The following TNIP3 variants were observed in gnomAD, a reference collection of about 807,000 sequenced individuals.
TNIP3 encodes TNFAIP3-interacting protein 3.
Under a neutral mutation model 54.1 loss-of-function variants are expected in TNIP3, and 34 were observed. The ratio of observed to expected loss-of-function variants is 0.63; its 90% CI spans 0.48 to 0.84. TNIP3 has a LOEUF of 0.84. TNIP3 is among the 40% of genes least tolerant of loss of function. TNIP3 has a pLI of 0.00. For missense variants in TNIP3, 366 were observed against 387.6 expected (o/e 0.94, Z 0.47); for synonymous variants, 134 against 136.8 (o/e 0.98, Z 0.14).
intron 7 of TNIP3, among the ~76,000 whole-genome samples, chr4:121,143,065 C>T (rs540460043): frequency 1.3e-5 from 2 of 152,330 alleles, no homozygotes; most frequent in Admixed American, 1.3e-4. Context: ...TACTGAATGA[C>T]ATTGGAATTG....
chr4:121,143,773 T>G (rs1388728337), intron 7 of TNIP3, among the ~76,000 whole-genome samples: 3 of 152,254 alleles, frequency 2.0e-5, no homozygotes, highest in African/African-American at 7.2e-5. Flanking sequence ...ATATGTATTG[T>G]TGATTAACTC....
chr4:121,222,035 G>A lies in TNIP3; in HGVS notation c.3+5350C>T, dbSNP rs539902547. Among the ~76,000 whole-genome samples, 9 of 152,226 alleles carry A rather than the reference G, an allele frequency of 5.9e-5. No homozygotes were observed. In the South Asian group the frequency reaches 1.5e-3, roughly 25 times the overall value. ...CTACATTTGCTTGTCCCTGAATGTC[G>A]ATCACCAGCTCTAAAATGAGAACAG... On this transcript the variant is annotated intron_variant, in intron 1 of 12. Coordinates refer to the TNIP3 transcript ENST00000509841.
intron 4 of TNIP3, among the ~76,000 whole-genome samples, chr4:121,155,395 C>T (rs1579402229): frequency 6.6e-6 from 1 of 152,174 alleles, no homozygotes; most frequent in Admixed American, 6.5e-5. Context: ...TATCTCAAAG[C>T]TCATTCCTGC....
At chr4:121,136,179 G>A (rs1036515729) in intron 10 of TNIP3, among the ~76,000 whole-genome samples, 9 of 152,126 alleles carry the variant, frequency 5.9e-5, no homozygotes, top group African/African-American at 2.2e-4. Context: ...ACATAGTACC[G>A]TGCCTTTTAC....
At chr4:121,141,603 T>C (rs1336875654) in intron 9 of TNIP3, among the ~76,000 whole-genome samples, 1 of 152,144 alleles carries the variant, frequency 6.6e-6, no homozygotes, top group Non-Finnish European at 1.5e-5. Context: ...TTTAATACCT[T>C]TCAGTTAATT....
At chr4:121,154,448 G>A in intron 5 of TNIP3, 103 bp downstream of exon 5, 1 of 1,421,850 alleles carries the variant, frequency 7.0e-7, no homozygotes, top group South Asian at 1.2e-5. Context: ...AGCCTCCAAG[G>A]CTGGGACCCA....
intron 3 of TNIP3, 114 bp from the exon 4 acceptor site, chr4:121,157,357 T>G: frequency 7.5e-7 from 1 of 1,341,062 alleles, no homozygotes; most frequent in Non-Finnish European, 1.0e-6. Context: ...GGACGTCCCC[T>G]AAGGAGAGGT....
intron 2 of TNIP3, chr4:121,216,340 T>A: frequency 7.9e-7 from 1 of 1,272,152 alleles, no homozygotes; most frequent in African/African-American, 1.5e-5. Context: ...TACACTATCA[T>A]TGCCACAAAG....
At chr4:121,132,900 T>C (rs913920256) in intron 10 of TNIP3, among the ~76,000 whole-genome samples, 1 of 152,194 alleles carries the variant, frequency 6.6e-6, no homozygotes, top group Non-Finnish European at 1.5e-5. Context: ...TCGTTCTAAT[T>C]ATGCCTGAGG....
rs377696800 is a variant in TNIP3, at chr4:121,155,074, T to C, written c.364-395A>G. ...GCCTCCCAGGTTCAAGCAATTCTCC[T>C]GCCTCAGCCTCCCTAGTAGCTGGGA... On this transcript the variant is annotated intron_variant, in intron 4 of 10. Transcript: ENST00000057513. Among the ~76,000 whole-genome samples the C allele has an allele frequency of 1.1e-4, 16 of 152,164 alleles. No individual in the cohort carries two copies. The East Asian group carries it at 1.4e-3, about 13-fold the overall frequency.
At chr4:121,154,452 GGA>G in intron 5 of TNIP3, 97 bp downstream of exon 5, 3 of 1,436,976 alleles carry the variant, frequency 2.1e-6, no homozygotes, top group Non-Finnish European at 2.9e-6. Flanking sequence ...TCCAAGGCTG[GGA>G]CCCACACTGC....
chr4:121,193,320 C>T (rs1273949733), intron 2 of TNIP3, among the ~76,000 whole-genome samples: 1 of 152,028 alleles, frequency 6.6e-6, no homozygotes, highest in South Asian at 2.1e-4. Flanking sequence ...TCTTTTCGTG[C>T]CAGAAATTAG....
At chr4:121,149,273 A>G (rs1471715119) in intron 6 of TNIP3, among the ~76,000 whole-genome samples, 1 of 152,222 alleles carries the variant, frequency 6.6e-6, no homozygotes, top group Non-Finnish European at 1.5e-5. Flanking sequence ...GCTCTTGTGC[A>G]TCAGTGAATT....
At position 121,150,151 on chromosome 4, in the gene TNIP3, T is replaced by A. The variant is rs898005177; in HGVS notation, c.561A>T (p.Glu187Asp). 6.2e-7 allele frequency: 1 copy of A among 1,613,890 alleles called. No homozygotes were observed. Among genetic ancestry groups the A allele is most frequent in the Non-Finnish European group, 8.5e-7 (1 of 1,179,872 alleles). ...CTGTTCTCATCTCCTCATGGCAGAATTCCACTCGAGACTTCCTCAAACAGT... is the reference window on the plus strand; with the variant it reads ...CTGTTCTCATCTCCTCATGGCAGAAATCCACTCGAGACTTCCTCAAACAGT... Reference protein sequence around the residue: ...SEDCLRKSRVEFCHEEMRTEM... With the variant: ...SEDCLRKSRVDFCHEEMRTEM... The change falls in exon 6 of 11, where the codon GAA becomes GAT. Residue 187 changes from glutamate to aspartate, a missense_variant. By Grantham distance (45) the Glu-to-Asp change is conservative. Transcript: ENST00000057513.
chr4:121,136,309 A>G (rs1319807011), intron 10 of TNIP3, among the ~76,000 whole-genome samples: 1 of 152,166 alleles, frequency 6.6e-6, no homozygotes, highest in Non-Finnish European at 1.5e-5. Flanking sequence ...TCATTTTTGT[A>G]TCTATACTTT....
intron 7 of TNIP3, among the ~76,000 whole-genome samples, chr4:121,144,151 A>G (rs960870375): frequency 2.0e-5 from 3 of 152,194 alleles, no homozygotes; most frequent in African/African-American, 7.2e-5. Flanking sequence ...TAGACTGTAC[A>G]TGTCTCTTTT....
intron 8 of TNIP3, 29 bp from the exon 9 acceptor site, chr4:121,141,943 A>C: frequency 6.7e-7 from 1 of 1,496,456 alleles, no homozygotes; most frequent in Non-Finnish European, 9.1e-7. Flanking sequence ...TGGGGTCACT[A>C]CCAGTGGGAG....
rs919514061 is a variant in TNIP3, at chr4:121,157,249, G to A, written c.214-6C>T. On this transcript the variant is annotated splice_region_variant and splice_polypyrimidine_tract_variant and intron_variant, in intron 3 of 10. Transcript: ENST00000057513. The stretch of plus-strand genomic sequence containing the variant: ...TTCGTCTTCAGCTCTGCTACCTGAG[G>A]AGGTCGTTCAAAGACAGCTGCAGAT... The A allele has an allele frequency of 6.2e-7, 1 of 1,614,084 alleles. No individual in the cohort carries two copies. The highest frequency in any genetic ancestry group is 8.5e-7 in the Non-Finnish European group (1 of 1,180,024).
intron 2 of TNIP3, among the ~76,000 whole-genome samples, chr4:121,207,579 A>T (rs1382973199): frequency 6.6e-6 from 1 of 152,246 alleles, no homozygotes; most frequent in African/African-American, 2.4e-5. Context: ...GTTAATAAAA[A>T]CAATAAGCCT....
Sources: allele counts gnomAD v4.1 joint callset (sites outside exome capture counted in the v4.1 genomes callset), GRCh38; gene constraint gnomAD v4.1.1; transcripts MANE v1.5; gene names NCBI Gene and HGNC (gene_info 2026-07-23, HGNC 2026-07-21).